KIF17: variants seen among roughly 807,000 people sequenced by gnomAD.
KIF17 encodes the protein kinesin family member 17, also known as kinesin-like protein KIF17.
In KIF17, 80 loss-of-function variants were observed where a neutral mutation model predicts 96.8. The ratio of observed to expected loss-of-function variants is 0.83; its 90% CI spans 0.69 to 1.00. The LOEUF (loss-of-function observed/expected upper bound fraction) is 1.00, where lower values mean the gene tolerates loss of function less well. Ranked by LOEUF, KIF17 falls within the 50% of genes least tolerant of loss-of-function variation. KIF17 has a pLI of 0.00. For synonymous variants in KIF17, 567 were observed against 587.5 expected, an observed-to-expected ratio of 0.97 and a Z score of 0.51; for missense variants, 1,280 against 1,372.9, an observed-to-expected ratio of 0.93 and a Z score of 1.07.
At chr1:20,717,037 G>A in intron 1 of KIF17, among the ~76,000 whole-genome samples, 1 of 152,202 alleles carries the variant, frequency 6.6e-6, no homozygotes, top group East Asian at 1.9e-4. Flanking sequence ...GCCAGTGAGG[G>A]AAGATAAAAA....
At chr1:20,668,232 C>G (rs913928811) in intron 13 of KIF17, among the ~76,000 whole-genome samples, 2 of 151,974 alleles carry the variant, frequency 1.3e-5, no homozygotes, top group Non-Finnish European at 2.9e-5. Flanking sequence ...ATGGTGTGAA[C>G]CTGGGAGGCG....
rs1041087170 is a variant in KIF17, at chr1:20,685,799, G to A, written c.2019+247C>T. 6.6e-6 allele frequency among the ~76,000 whole-genome samples: 1 copy of A among 152,206 alleles called. No homozygotes were observed. The highest frequency in any genetic ancestry group is 2.4e-5 in the African/African-American group (1 of 41,448). The stretch of plus-strand genomic sequence containing the variant: ...AATTCCTTTACACAAAGGGCGACAA[G>A]GCTAAGGAAGGTTTGAAAGCCACCA... On this transcript the variant is annotated intron_variant, in intron 9 of 14. Transcript: ENST00000400463. This position sits in a 1 kb window ranked among gnomAD's most constrained non-coding sequence, Gnocchi z 4.1.
At chr1:20,703,411 T>C (rs1345712156) in intron 5 of KIF17, among the ~76,000 whole-genome samples, 1 of 150,926 alleles carries the variant, frequency 6.6e-6, no homozygotes, top group Non-Finnish European at 1.5e-5. Context: ...GCTGTGTAGA[T>C]GGATGGATGG....
Position 20,682,679 on chromosome 1 carries a change from T to C in KIF17, c.2437A>G (p.Lys813Glu). Residue 813 changes from lysine (K) to glutamate (E), a missense_variant, in exon 11 of 15, where the codon AAG (lysine) becomes GAG (glutamate). Coordinates refer to ENST00000400463, the MANE Select transcript of KIF17 (RefSeq NM_001122819.3). ...TTCCTCTGCATCTTCTCCAGCAGCTTGCTCTTGGCCCGCACTTCCTCCTGG... is the reference window on the plus strand; with the variant it reads ...TTCCTCTGCATCTTCTCCAGCAGCTCGCTCTTGGCCCGCACTTCCTCCTGG... Reference protein sequence around the residue: ...SIQEEVRAKSKLLEKMQRKLR... With the variant: ...SIQEEVRAKSELLEKMQRKLR... 1 of 1,614,042 alleles carries C rather than the reference T, an allele frequency of 6.2e-7. No individual in the cohort carries two copies. The highest frequency in any genetic ancestry group is 2.2e-5 in the East Asian group (1 of 44,878).
rs368357803 is a variant in KIF17 at position 20,687,826 on chromosome 1, G to C, written c.1500C>G (p.Val500=). 87 of 1,614,028 alleles carry C rather than the reference G, an allele frequency of 5.4e-5. No homozygotes were observed. Among genetic ancestry groups the C allele is most frequent in the Non-Finnish European group, 7.0e-5 (83 of 1,180,014 alleles). The change falls in exon 8 of 15, where the codon GTC becomes GTG. Residue 500 remains valine, a synonymous_variant. Coordinates refer to ENST00000400463, the MANE Select transcript of KIF17 (RefSeq NM_001122819.3). This position sits in a 1 kb window ranked among gnomAD's most constrained non-coding sequence, Gnocchi z 4.4. Reference sequence around the variant, plus strand: ...TGGGCAGAGTGTCAGTCGTGGAGAAGACCTTGGGTTTCACCACTGTCTCAT... The same window carrying C: ...TGGGCAGAGTGTCAGTCGTGGAGAACACCTTGGGTTTCACCACTGTCTCAT... ...FQYETVVKPK[V]FSTTDTLPSD... is the part of the protein sequence containing the mutation.
intron 12 of KIF17, 66 bp from the exon 13 acceptor site, chr1:20,670,554 T>C: frequency 6.7e-7 from 1 of 1,487,532 alleles, no homozygotes. Flanking sequence ...AGGGCACAGG[T>C]GGAGGTGGGG....
At chr1:20,711,710 C>T (rs1435531804) in intron 3 of KIF17, among the ~76,000 whole-genome samples, 1 of 152,140 alleles carries the variant, frequency 6.6e-6, no homozygotes, top group East Asian at 1.9e-4. Flanking sequence ...TCTGCTTCCC[C>T]AAACCTCTTG....
chr1:20,709,530 T>A lies in KIF17; in HGVS notation c.670+109A>T. On this transcript the variant is annotated intron_variant, in intron 4 of 14. Transcript: ENST00000400463. The surrounding 1 kb of genome is among the most constrained non-coding windows in gnomAD (Gnocchi z 4.7). ...GGGTTTCCTCCAGGCTGTTAGAGCATCTCTTCCCACTTTCCAGGGGCTCCT... is the reference window on the plus strand; with the variant it reads ...GGGTTTCCTCCAGGCTGTTAGAGCAACTCTTCCCACTTTCCAGGGGCTCCT... 2 of 1,238,922 alleles carry A rather than the reference T, an allele frequency of 1.6e-6. No homozygotes were observed. Among genetic ancestry groups the A allele is most frequent in the Non-Finnish European group, 2.4e-6 (2 of 847,176 alleles). The allele number at this position is 1,238,922 out of a possible 1,614,324, so 76.7% of individuals were successfully genotyped here. A position where few individuals can be genotyped will look rare whatever the true frequency, so the allele number is the denominator to read the frequency against.
At chr1:20,712,522 T>A (rs12041463) in intron 3 of KIF17, among the ~76,000 whole-genome samples, 1 of 113,056 alleles carries the variant, frequency 8.8e-6, no homozygotes, top group African/African-American at 3.1e-5. Context: ...CAGCGAGACC[T>A]TGTCATATAT....
chr1:20,668,413 T>A (rs574466715), intron 13 of KIF17, among the ~76,000 whole-genome samples: 62 of 152,380 alleles, frequency 4.1e-4, no homozygotes, highest in African/African-American at 1.5e-3. Flanking sequence ...AAAAAATTCC[T>A]TATTTTTCTT....
chr1:20,709,859 C>T lies in KIF17; in HGVS notation c.481-31G>A. 6.4e-7 allele frequency: 1 copy of T among 1,567,940 alleles called. No individual in the cohort carries two copies. The highest frequency in any genetic ancestry group is 1.2e-5 in the South Asian group (1 of 86,932). ...GGAGGAGGAACAGTCAGGGGCGGAA[C>T]CTCCAGCCGCCAAGGGTTAGGACCA... On this transcript the variant is annotated intron_variant, in intron 3 of 14. Coordinates refer to ENST00000400463, the MANE Select transcript of KIF17 (RefSeq NM_001122819.3). The surrounding 1 kb of genome is among the most constrained non-coding windows in gnomAD (Gnocchi z 4.7).
chr1:20,697,224 G>A (rs2054158052), intron 6 of KIF17, among the ~76,000 whole-genome samples: 1 of 152,224 alleles, frequency 6.6e-6, no homozygotes, highest in Admixed American at 6.5e-5. Flanking sequence ...TGAGTGGCAG[G>A]GGTCCAGCAG....
chr1:20,671,474 G>A (rs114960446), intron 12 of KIF17, among the ~76,000 whole-genome samples: 6,844 of 152,002 alleles, frequency 0.045, 476 homozygotes, highest in African/African-American at 0.15. Context: ...GGGACTACAG[G>A]TACATGCTGC....
Position 20,709,616 on chromosome 1 carries a change from C to A in KIF17, c.670+23G>T. Reference sequence around the variant, plus strand: ...AGTGGCTGGGTCATCTGTCCCCCTGCCCCCAACAATGGCCTCGCATACCCA... The same window carrying A: ...AGTGGCTGGGTCATCTGTCCCCCTGACCCCAACAATGGCCTCGCATACCCA... On this transcript the variant is annotated intron_variant, in intron 4 of 14. Coordinates refer to ENST00000400463, the MANE Select transcript of KIF17 (RefSeq NM_001122819.3). The surrounding 1 kb of genome is among the most constrained non-coding windows in gnomAD (Gnocchi z 4.7). 1 of 1,613,368 alleles carries A rather than the reference C, an allele frequency of 6.2e-7. No homozygotes were observed. The highest frequency in any genetic ancestry group is 8.5e-7 in the Non-Finnish European group (1 of 1,179,698).
In KIF17 at chr1:20,690,273, G is replaced by C; in HGVS notation, c.1296C>G (p.Ala432=). Residue 432 remains alanine, a synonymous_variant, in exon 7 of 15, where the codon GCC becomes GCG. Transcript: ENST00000400463. ...TGGCAGTGATGTCTTCCTCCAGCCT[G>C]GCCCGAGACTCCTGCTCGGCCTTAT... ...ADYKAEQESR[A]RLEEDITAMR... 6.3e-7 allele frequency: 1 copy of C among 1,586,586 alleles called. No individual in the cohort carries two copies. The highest frequency in any genetic ancestry group is 1.1e-5 in the South Asian group (1 of 90,726).
intron 13 of KIF17, 80 bp from the exon 14 acceptor site, chr1:20,666,411 G>A (rs1010499606): frequency 1.8e-6 from 2 of 1,133,712 alleles, no homozygotes; most frequent in Admixed American, 3.4e-5. Flanking sequence ...TGGTATCCTG[G>A]GGCAGTGGGG....
rs562575113 is a variant in KIF17 at position 20,667,534 on chromosome 1, G to A, written c.2791-1203C>T. On this transcript the variant is annotated intron_variant, in intron 13 of 14. Coordinates refer to ENST00000400463, the MANE Select transcript of KIF17 (RefSeq NM_001122819.3). ...CCGAAACTATCAGACCCCCCACCCC[G>A]TCCTGACCTGTGGAAAAATTGTCTT... Among the ~76,000 whole-genome samples the A allele has an allele frequency of 9.9e-5, 15 of 152,178 alleles. No homozygotes were observed. The South Asian group carries it at 2.5e-3, about 25-fold the overall frequency.
chr1:20,692,387 C>G (rs2054055182), intron 6 of KIF17, among the ~76,000 whole-genome samples: 3 of 151,722 alleles, frequency 2.0e-5, no homozygotes, highest in Admixed American at 2.0e-4. Context: ...GTCACCTGGG[C>G]TGGAGTGCAG....
chr1:20,678,005 G>A (rs775827113), intron 11 of KIF17, among the ~76,000 whole-genome samples: 1 of 152,252 alleles, frequency 6.6e-6, no homozygotes, highest in Non-Finnish European at 1.5e-5. Context: ...TCTTGTGTGT[G>A]TGTATATTGG....
Sources: gnomAD v4.1 joint callset for allele counts (sites outside exome capture counted in the v4.1 genomes callset) on GRCh38, gnomAD v4.1.1 for gene constraint, Gnocchi (gnomAD v3.1) non-coding constraint, MANE v1.5 for transcripts, NCBI Gene and HGNC (gene_info 2026-07-23, HGNC 2026-07-21) for gene names.